CYSLTR1: variants seen among roughly 807,000 people sequenced by gnomAD.
CYSLTR1 encodes the protein cysteinyl leukotriene receptor 1, also known as G-protein coupled receptor HG55.
Under a neutral mutation model 2.1 loss-of-function variants are expected in CYSLTR1, and 1 was observed. The observed-to-expected ratio is 0.48, with a 90% CI of 0.17 to 2.28. The LOEUF is 2.28. Ranked by LOEUF, CYSLTR1 falls within the 30% of genes most tolerant of loss-of-function variation. The probability of loss-of-function intolerance (pLI) is 0.26; values close to 1 mark genes in which losing one functional copy is unlikely to be tolerated. For synonymous variants in CYSLTR1, 110 were observed against 89.6 expected, an observed-to-expected ratio of 1.23 and a Z score of -1.28; for missense variants, 299 against 250.1, an observed-to-expected ratio of 1.20 and a Z score of -1.32.
chrX:78,316,287 G>T (rs1014575578), intron 1 of CYSLTR1, among the ~76,000 whole-genome samples: 4 of 112,080 alleles, frequency 3.6e-5, no homozygotes, highest in African/African-American at 6.5e-5. Context: ...GGGTCACAGG[G>T]TGTAAGAAGT....
chrX:78,304,188 G>A (rs1386414254), intron 1 of CYSLTR1, among the ~76,000 whole-genome samples: 1 of 111,987 alleles, frequency 8.9e-6, no homozygotes, highest in Non-Finnish European at 1.9e-5. Flanking sequence ...CTAAATTTAT[G>A]ATTTAAAGTT....
At chrX:78,274,614 A>G (rs1236851293) in intron 2 of CYSLTR1, among the ~76,000 whole-genome samples, 2 of 111,213 alleles carry the variant, frequency 1.8e-5, no homozygotes, top group African/African-American at 6.5e-5. Context: ...TAGACCTAAA[A>G]CCATAAAAAC....
At chrX:78,294,405 G>C (rs1000889930) in intron 1 of CYSLTR1, among the ~76,000 whole-genome samples, 6 of 112,683 alleles carry the variant, frequency 5.3e-5, no homozygotes, top group African/African-American at 1.9e-4. Context: ...CCTACTGGGA[G>C]GTGACTCCCT....
At chrX:78,297,824 AT>A (rs1236351252) in intron 1 of CYSLTR1, among the ~76,000 whole-genome samples, 2 of 111,210 alleles carry the variant, frequency 1.8e-5, no homozygotes, top group Non-Finnish European at 3.8e-5. Flanking sequence ...CAAAAAACTG[AT>A]TTTTTGTTTC....
intron 1 of CYSLTR1, among the ~76,000 whole-genome samples, chrX:78,314,717 A>G (rs1284396188): frequency 2.7e-5 from 3 of 110,661 alleles, no homozygotes; most frequent in Non-Finnish European, 5.7e-5. Context: ...CAGAGAGAGC[A>G]TTTAAACCAG....
In CYSLTR1 at chrX:78,307,368, C is replaced by G. The variant is rs747776953; in HGVS notation, c.-115+19937G>C. Reference sequence around the variant, plus strand: ...AGGGATGACTCTCATCTCCTAAAGGCTACCTTCAGGCCCTTGACACATGGT... The same window carrying G: ...AGGGATGACTCTCATCTCCTAAAGGGTACCTTCAGGCCCTTGACACATGGT... On this transcript the variant is annotated intron_variant, in intron 1 of 2. Transcript: ENST00000373304. Among the ~76,000 whole-genome samples the G allele has an allele frequency of 5.4e-5, 6 of 111,838 alleles. No homozygotes were observed. In the East Asian group the frequency reaches 1.7e-3, roughly 31 times the overall value.
At chrX:78,295,722 C>A (rs536531447) in intron 1 of CYSLTR1, among the ~76,000 whole-genome samples, 1 of 111,258 alleles carries the variant, frequency 9.0e-6, no homozygotes, top group African/African-American at 3.3e-5. Flanking sequence ...AAATCTTTTG[C>A]CCATTTTTTG....
chrX:78,280,272 C>A (rs186247784), intron 2 of CYSLTR1, among the ~76,000 whole-genome samples: 125 of 111,541 alleles, frequency 1.1e-3, no homozygotes, highest in Non-Finnish European at 2.0e-3. Flanking sequence ...TAAAGTTAAT[C>A]TTTTTCTTAG....
intron 1 of CYSLTR1, among the ~76,000 whole-genome samples, chrX:78,284,720 C>G (rs2149185880): frequency 1.0e-5 from 1 of 97,038 alleles, no homozygotes; most frequent in East Asian, 3.2e-4. Flanking sequence ...TTATTCTTAA[C>G]CAGTAGAAAC....
rs558686539 is a variant in CYSLTR1 at position 78,288,129 on chromosome X, G to A, written c.-114-4589C>T. On this transcript the variant is annotated intron_variant, in intron 1 of 2. Transcript: ENST00000373304. ...CAGGCGGGGAGAATTACTTGAGCCC[G>A]TGAGGTCAAGGCTGCAGTGAGCCAT... is the stretch of plus-strand genomic sequence containing the variant. Among the ~76,000 whole-genome samples the A allele has an allele frequency of 7.2e-5, 8 of 110,864 alleles. No homozygotes were observed. In the East Asian group the frequency reaches 1.1e-3, roughly 16 times the overall value.
Position 78,273,055 on chromosome X carries a change from G to A in CYSLTR1, c.692C>T (p.Ala231Val), listed in dbSNP as rs919071650. 1 of 1,209,067 alleles carries A rather than the reference G, an allele frequency of 8.3e-7. No individual in the cohort carries two copies. Among genetic ancestry groups the A allele is most frequent in the African/African-American group, 1.8e-5 (1 of 57,116 alleles). The change falls in exon 3 of 3, where the codon GCT becomes GTT. Residue 231 changes from alanine (A) to valine (V), a missense_variant. Coordinates refer to ENST00000373304, the MANE Select transcript of CYSLTR1 (RefSeq NM_006639.4). ...MKKNLSSHKK[A>V]IGMIMVVTAA... ...GGTCACGACCATGATCATTCCTATA[G>A]CCTTTTTATGACTTGACAGATTTTT... is the stretch of plus-strand genomic sequence containing the variant.
intron 2 of CYSLTR1, among the ~76,000 whole-genome samples, chrX:78,275,623 C>T (rs749884966): frequency 2.9e-3 from 313 of 109,251 alleles, no homozygotes; most frequent in Non-Finnish European, 5.0e-3. Flanking sequence ...GGAGATACAC[C>T]TAAGGTAAAT....
intron 1 of CYSLTR1, among the ~76,000 whole-genome samples, chrX:78,302,610 C>T (rs1467788991): frequency 9.0e-6 from 1 of 110,751 alleles, no homozygotes; most frequent in Non-Finnish European, 1.9e-5. Flanking sequence ...TATTCAGGAC[C>T]TAAGAGGTCT....
chrX:78,277,405 C>T (rs1921637000), intron 2 of CYSLTR1, among the ~76,000 whole-genome samples: 1 of 111,879 alleles, frequency 8.9e-6, no homozygotes, highest in African/African-American at 3.3e-5. Flanking sequence ...TGTAGATAGA[C>T]TGCCACTAGC....
At chrX:78,321,818 G>A (rs1923676309) in intron 1 of CYSLTR1, 1 of 111,717 alleles carries the variant, frequency 9.0e-6, no homozygotes, top group Non-Finnish European at 1.9e-5. Context: ...GAATGAGACT[G>A]ATGGGTGTTT....
Position 78,271,661 on chromosome X carries a change from C to T in CYSLTR1, c.*1072G>A, listed in dbSNP as rs1332910333. On this transcript the variant is annotated 3_prime_UTR_variant, in exon 3 of 3. Coordinates refer to ENST00000373304, the MANE Select transcript of CYSLTR1 (RefSeq NM_006639.4). ...TCACTGTAAACATATCCATGATATT[C>T]CTGTCAACATACCAATAAAAAGTAA... 1 of 111,755 alleles carries T rather than the reference C, an allele frequency of 8.9e-6. No individual in the cohort carries two copies. The highest frequency in any genetic ancestry group is 1.9e-5 in the Non-Finnish European group (1 of 53,114). 9.2% of individuals were successfully genotyped at this position (111,755 alleles called of 1,213,427 possible). A position where few individuals can be genotyped will look rare whatever the true frequency, so the allele number is the denominator to read the frequency against.
intron 1 of CYSLTR1, among the ~76,000 whole-genome samples, chrX:78,284,265 T>C (rs1258519229): frequency 8.9e-6 from 1 of 112,325 alleles, no homozygotes; most frequent in Non-Finnish European, 1.9e-5. Flanking sequence ...TCTTCTAAGT[T>C]TTTGTTGTCC....
intron 1 of CYSLTR1, among the ~76,000 whole-genome samples, chrX:78,308,468 C>A (rs1438815079): frequency 9.0e-6 from 1 of 110,911 alleles, no homozygotes; most frequent in East Asian, 2.8e-4. Flanking sequence ...AATAATAGGG[C>A]TGGAAATGGA....
chrX:78,277,287 G>A (rs1452728348), intron 2 of CYSLTR1, among the ~76,000 whole-genome samples: 1 of 111,228 alleles, frequency 9.0e-6, no homozygotes, highest in Non-Finnish European at 1.9e-5. Flanking sequence ...TCCCTGCCTG[G>A]CCACACCTGC....
Sources: gnomAD v4.1 joint callset for allele counts (sites outside exome capture counted in the v4.1 genomes callset) on GRCh38, gnomAD v4.1.1 for gene constraint, MANE v1.5 for transcripts, NCBI Gene and HGNC (gene_info 2026-07-23, HGNC 2026-07-21) for gene names.